Variants in ACACA observed in about 807,000 individuals in gnomAD.
The protein encoded by ACACA is acetyl-CoA carboxylase 1.
ACACA carries 103 observed loss-of-function variants against 296.1 expected under a neutral mutation model. The observed-to-expected ratio is 0.35, with a 90% CI of 0.30 to 0.41. The LOEUF (loss-of-function observed/expected upper bound fraction) is 0.41. ACACA is among the 10% of genes least tolerant of loss of function. ACACA has a pLI of 1.00. For synonymous variants in ACACA, 953 were observed against 1,038.6 expected (o/e 0.92, Z 1.58); for missense variants, 1,554 against 2,989.7 (o/e 0.52, Z 11.20).
chr17:37,221,902 C>T, intron 28 of ACACA, 60 bp from the exon 29 acceptor site: 1 of 1,444,764 alleles, frequency 6.9e-7, no homozygotes, highest in Non-Finnish European at 9.7e-7. Flanking sequence ...GAAAATAGCC[C>T]AGAAAAAGAG....
chr17:37,274,710 G>A (rs2082203162), intron 8 of ACACA: 2 of 980,970 alleles, frequency 2.0e-6, no homozygotes, highest in Admixed American at 6.2e-5. Context: ...AGAAATGGCG[G>A]TTTTATTGGC....
At chr17:37,106,484 C>T (rs909065311) in intron 52 of ACACA, among the ~76,000 whole-genome samples, 6 of 152,096 alleles carry the variant, frequency 3.9e-5, no homozygotes, top group Non-Finnish European at 1.5e-5. Flanking sequence ...CCTAAAGTTC[C>T]CTGCAACAGT....
At chr17:37,165,832 T>C (rs1177366546) in intron 41 of ACACA, among the ~76,000 whole-genome samples, 1 of 151,932 alleles carries the variant, frequency 6.6e-6, no homozygotes, top group Non-Finnish European at 1.5e-5. Context: ...TGTGCCACCA[T>C]ACTCGGCCAA....
At position 37,241,999 on chromosome 17, in the gene ACACA, C is replaced by G. The variant is rs777266593; in HGVS notation, c.2986G>C (p.Glu996Gln). Reference sequence around the variant, plus strand: ...CTCTGAGTATTCATAAAGAAGACTTCCCGTTCAGATTTCCGGTTCAATGTA... The same window carrying G: ...CTCTGAGTATTCATAAAGAAGACTTGCCGTTCAGATTTCCGGTTCAATGTA... ...AATLNRKSEREVFFMNTQSIV... is the reference protein window; with the variant it reads ...AATLNRKSERQVFFMNTQSIV... Residue 996 changes from glutamate to glutamine, a missense_variant, in exon 23 of 56, where the codon GAA becomes CAA. By Grantham distance (29) the Glu-to-Gln change is conservative (BLOSUM62 2). Transcript: ENST00000616317. 1.2e-6 allele frequency: 2 copies of G among 1,613,654 alleles called. No homozygotes were observed. The highest frequency in any genetic ancestry group is 2.7e-5 in the African/African-American group (2 of 74,774).
At chr17:37,096,006 C>T (rs774879919) in intron 54 of ACACA, among the ~76,000 whole-genome samples, 30 of 152,236 alleles carry the variant, frequency 2.0e-4, no homozygotes, top group South Asian at 4.2e-4. Flanking sequence ...TGTGAGATCA[C>T]CCCAAGAAAA....
At chr17:37,213,261 T>TGGAAGGATCGCTTGAGCC (rs1369466911) in intron 29 of ACACA, among the ~76,000 whole-genome samples, 1 of 144,452 alleles carries the variant, frequency 6.9e-6, no homozygotes, top group Admixed American at 7.3e-5. Context: ...AAGGTTGAGG[T>TGGAAGGATCGCTTGAGCC]GGAAGGATCG....
chr17:37,179,351 G>A lies in ACACA; in HGVS notation c.4988C>T (p.Pro1663Leu), dbSNP rs780797358. The A allele has an allele frequency of 8.1e-6, 13 of 1,614,166 alleles. No individual in the cohort carries two copies. The highest frequency in any genetic ancestry group is 1.3e-5 in the African/African-American group (1 of 75,042). Residue 1663 changes from proline to leucine, a missense_variant, in exon 41 of 56, where the codon CCT becomes CTT. Physicochemically the swap from Pro to Leu is moderately conservative, Grantham distance 98. This residue lies in a region of ACACA where 553 missense variants were observed against 1,043.6 expected (regional missense o/e 0.53). Coordinates refer to ENST00000616317, the MANE Select transcript of ACACA (RefSeq NM_198834.3). ...MSTQAFLPSPPLPSDMLTYTE... is the reference protein window; with the variant it reads ...MSTQAFLPSPLLPSDMLTYTE... ...GTAAGTCAGCATGTCAGAAGGCAGA[G>A]GGGGAGATGGAAGAAATGCTTGAGT...
chr17:37,185,324 C>T (rs4794750), intron 39 of ACACA, among the ~76,000 whole-genome samples: 41,289 of 151,298 alleles, frequency 0.27, 6,307 homozygotes, highest in African/African-American at 0.39. Context: ...CCTCAAACTC[C>T]GGGGCCCAAG....
intron 3 of ACACA, among the ~76,000 whole-genome samples, chr17:37,303,844 C>A (rs886242363): frequency 6.6e-6 from 1 of 152,126 alleles, no homozygotes; most frequent in Non-Finnish European, 1.5e-5. Context: ...GGCAACAGAG[C>A]GAGACTCCGT....
intron 3 of ACACA, chr17:37,328,681 T>G: frequency 5.3e-6 from 2 of 379,266 alleles, no homozygotes; most frequent in Non-Finnish European, 9.3e-6. Flanking sequence ...ATTATAGAGT[T>G]GATATATTTA....
chr17:37,393,564 C>T (rs1214173814), intron 1 of ACACA, among the ~76,000 whole-genome samples: 2 of 151,954 alleles, frequency 1.3e-5, no homozygotes, highest in Non-Finnish European at 2.9e-5. Flanking sequence ...AATTGGAGGC[C>T]GGGCACGGTG....
At chr17:37,280,925 C>G (rs1012829751) in intron 5 of ACACA, among the ~76,000 whole-genome samples, 33 of 152,154 alleles carry the variant, frequency 2.2e-4, no homozygotes, top group Non-Finnish European at 5.9e-5. Flanking sequence ...TAGAAAACCA[C>G]TTGTGTCATA....
intron 41 of ACACA, among the ~76,000 whole-genome samples, chr17:37,165,079 T>C (rs2076610315): frequency 6.6e-6 from 1 of 152,138 alleles, no homozygotes. Flanking sequence ...TCTTTATCAA[T>C]GTCTTTCCAA....
chr17:37,128,024 CAAAAAAAAA>C (rs1173864454), intron 47 of ACACA, among the ~76,000 whole-genome samples: 2 of 39,716 alleles, frequency 5.0e-5, no homozygotes, highest in African/African-American at 1.0e-4. Flanking sequence ...AACTCCATCT[CAAAAAAAAA>C]AAAAAAAAAA....
At chr17:37,157,531 CTTT>C (rs397687787) in intron 42 of ACACA, among the ~76,000 whole-genome samples, 2 of 90,482 alleles carry the variant, frequency 2.2e-5, no homozygotes, top group African/African-American at 4.6e-5. Flanking sequence ...ATCATTCTAT[CTTT>C]TTTTTTTTTT....
At chr17:37,134,704 A>G (rs1479033036) in intron 45 of ACACA, among the ~76,000 whole-genome samples, 1 of 152,218 alleles carries the variant, frequency 6.6e-6, no homozygotes, top group Non-Finnish European at 1.5e-5. Flanking sequence ...GAAGCAGGGA[A>G]TACAAAATTC....
At chr17:37,342,468 C>T (rs554647247) in intron 1 of ACACA, among the ~76,000 whole-genome samples, 192 of 116,066 alleles carry the variant, frequency 1.7e-3, no homozygotes, top group South Asian at 2.8e-3. Flanking sequence ...TACACACACA[C>T]ACACATATAT....
chr17:37,227,109 T>C (rs1270051787), intron 25 of ACACA, among the ~76,000 whole-genome samples: 3 of 152,204 alleles, frequency 2.0e-5, no homozygotes, highest in Non-Finnish European at 1.5e-5. Context: ...AACAGGCTCC[T>C]ACTATAGAAT....
intron 1 of ACACA, among the ~76,000 whole-genome samples, chr17:37,352,540 C>T (rs1358546219): frequency 6.6e-6 from 1 of 151,790 alleles, no homozygotes; most frequent in Non-Finnish European, 1.5e-5. Context: ...TGACGCAACC[C>T]CATCTCTACC....
Sources: allele counts gnomAD v4.1 joint callset (sites outside exome capture counted in the v4.1 genomes callset), GRCh38; gene constraint gnomAD v4.1.1; regional missense constraint gnomAD v4.1.1; transcripts MANE v1.5; gene names NCBI Gene and HGNC (gene_info 2026-07-23, HGNC 2026-07-21).